Variants in CHRM3 observed in about 807,000 individuals in gnomAD.
CHRM3 encodes the protein cholinergic receptor muscarinic 3.
Under a neutral mutation model 41.8 loss-of-function variants are expected in CHRM3, and 11 were observed. The ratio of observed to expected loss-of-function variants is 0.26; its 90% CI spans 0.17 to 0.44. The LOEUF (loss-of-function observed/expected upper bound fraction) is 0.44, where lower values mean the gene tolerates loss of function less well. Among genes scored for constraint, CHRM3 ranks in the 20% least tolerant of loss-of-function variants. The pLI is 1.00. For missense variants in CHRM3, 571 were observed against 745.4 expected, an observed-to-expected ratio of 0.77 and a Z score of 2.72; for synonymous variants, 297 against 301.4, an observed-to-expected ratio of 0.99 and a Z score of 0.15.
intron 3 of CHRM3, among the ~76,000 whole-genome samples, chr1:239,599,620 A>G (rs1247063829): frequency 6.6e-6 from 1 of 152,130 alleles, no homozygotes; most frequent in African/African-American, 2.4e-5. Flanking sequence ...ATGTCCTGAA[A>G]AACCCATTGT....
At chr1:239,440,042 A>G (rs888984478) in intron 1 of CHRM3, among the ~76,000 whole-genome samples, 2 of 151,916 alleles carry the variant, frequency 1.3e-5, no homozygotes, top group African/African-American at 4.8e-5. Flanking sequence ...TACTAAAAAT[A>G]TAAAAATTAG....
intron 1 of CHRM3, among the ~76,000 whole-genome samples, chr1:239,447,835 T>C (rs1370902773): frequency 6.6e-6 from 1 of 152,216 alleles, no homozygotes; most frequent in Non-Finnish European, 1.5e-5. Context: ...GAAGGCATCA[T>C]TGAAGTTGAC....
chr1:239,722,987 A>T (rs1180801803), intron 5 of CHRM3, among the ~76,000 whole-genome samples: 1 of 151,962 alleles, frequency 6.6e-6, no homozygotes, highest in Non-Finnish European at 1.5e-5. Flanking sequence ...CAAAAATTCC[A>T]TGTTGATGCA....
chr1:239,422,968 G>T (rs527875090), intron 1 of CHRM3, among the ~76,000 whole-genome samples: 2 of 151,984 alleles, frequency 1.3e-5, no homozygotes, highest in Non-Finnish European at 2.9e-5. Flanking sequence ...GATAGGAGAG[G>T]GCGGGCTTCA....
chr1:239,874,861 G>C (rs1676986114), intron 6 of CHRM3, among the ~76,000 whole-genome samples: 1 of 151,868 alleles, frequency 6.6e-6, no homozygotes, highest in Admixed American at 6.6e-5. Context: ...ACCACGCCGG[G>C]CTAATTTTGT....
chr1:239,755,978 T>C (rs1053711772), intron 5 of CHRM3, among the ~76,000 whole-genome samples: 5 of 152,202 alleles, frequency 3.3e-5, no homozygotes, highest in African/African-American at 1.2e-4. Context: ...ACTATATAGA[T>C]GAGGCAGTTG....
intron 6 of CHRM3, among the ~76,000 whole-genome samples, chr1:239,893,902 T>G (rs866585614): frequency 1.3e-5 from 2 of 152,202 alleles, no homozygotes; most frequent in African/African-American, 4.8e-5. Context: ...TCTTACCCAG[T>G]TTTTCCTATT....
At chr1:239,484,306 G>T (rs1379071317) in intron 1 of CHRM3, among the ~76,000 whole-genome samples, 1 of 152,094 alleles carries the variant, frequency 6.6e-6, no homozygotes, top group East Asian at 1.9e-4. Flanking sequence ...GAGAGGAGGT[G>T]CCATACTCTT....
intron 3 of CHRM3, among the ~76,000 whole-genome samples, chr1:239,602,090 A>ATATGTGTGTGTGTG (rs371232279): frequency 0.34 from 45,182 of 131,022 alleles, 9,557 homozygotes; most frequent in East Asian, 0.49. Context: ...ACATATATAC[A>ATATGTGTGTGTGTG]TGTGTGTGTG....
chr1:239,485,277 A>T (rs1667112233), intron 1 of CHRM3, among the ~76,000 whole-genome samples: 2 of 152,146 alleles, frequency 1.3e-5, no homozygotes, highest in African/African-American at 2.4e-5. Context: ...ACACATGAAC[A>T]GGGTATAATA....
At chr1:239,783,100 A>G (rs1489118321) in intron 5 of CHRM3, among the ~76,000 whole-genome samples, 1 of 152,046 alleles carries the variant, frequency 6.6e-6, no homozygotes, top group Non-Finnish European at 1.5e-5. Context: ...GAAATAGTCT[A>G]CAGATGTTCA....
intron 5 of CHRM3, among the ~76,000 whole-genome samples, chr1:239,730,191 TCC>T (rs1663832677): frequency 6.6e-6 from 1 of 152,050 alleles, no homozygotes; most frequent in South Asian, 2.1e-4. Context: ...TTGTTTTTTA[TCC>T]TCAATTTTAA....
At chr1:239,472,841 G>GT (rs1666219084) in intron 1 of CHRM3, among the ~76,000 whole-genome samples, 1 of 152,056 alleles carries the variant, frequency 6.6e-6, no homozygotes, top group African/African-American at 2.4e-5. Flanking sequence ...GTTTATCTTT[G>GT]TAACAGACCT....
intron 1 of CHRM3, among the ~76,000 whole-genome samples, chr1:239,430,460 A>AG (rs2103165848): frequency 6.6e-6 from 1 of 152,268 alleles, no homozygotes; most frequent in African/African-American, 2.4e-5. Context: ...ACAAGTTAAT[A>AG]GGTATGGTTT....
intron 5 of CHRM3, among the ~76,000 whole-genome samples, chr1:239,813,319 A>G (rs983790187): frequency 5.5e-4 from 83 of 152,248 alleles, no homozygotes; most frequent in African/African-American, 1.9e-3. Context: ...TACTTACTGT[A>G]TTCTCTCTTC....
chr1:239,881,713 A>C (rs1200143096), intron 6 of CHRM3, among the ~76,000 whole-genome samples: 1 of 152,124 alleles, frequency 6.6e-6, no homozygotes, highest in East Asian at 1.9e-4. Context: ...CTTGAGTTTC[A>C]CCAAAGGAAG....
At chr1:239,761,922 A>G (rs1469943662) in intron 5 of CHRM3, among the ~76,000 whole-genome samples, 3 of 152,030 alleles carry the variant, frequency 2.0e-5, no homozygotes, top group Non-Finnish European at 2.9e-5. Context: ...AGTCTCTCCA[A>G]TTCAGCAAGA....
At chr1:239,615,939 C>A (rs1275702119) in intron 3 of CHRM3, among the ~76,000 whole-genome samples, 40 of 152,196 alleles carry the variant, frequency 2.6e-4, no homozygotes, top group Non-Finnish European at 8.8e-5. Context: ...GAGCTCAGCG[C>A]CTTCCTTCTA....
chr1:239,913,244 C>T lies in CHRM3; in HGVS notation c.*4020C>T, dbSNP rs143861343. On this transcript the variant is annotated 3_prime_UTR_variant, in exon 7 of 7. Coordinates refer to ENST00000676153, the MANE Select transcript of CHRM3 (RefSeq NM_001375978.1). ...CTCCAACCCAGCACCTGAGGTCGGG[C>T]AAACTCACAAAATAGAGTTTCTAGG... The T allele has an allele frequency of 6.0e-6, 1 of 167,062 alleles. No individual in the cohort carries two copies. The highest frequency in any genetic ancestry group is 1.9e-4 in the East Asian group (1 of 5,196). The allele number at this position is 167,062 out of a possible 1,614,324, so 10.3% of individuals were successfully genotyped here.
Sources: allele counts gnomAD v4.1 joint callset (sites outside exome capture counted in the v4.1 genomes callset), GRCh38; gene constraint gnomAD v4.1.1; transcripts MANE v1.5; gene names NCBI Gene and HGNC (gene_info 2026-07-23, HGNC 2026-07-21).